Variants in MCUB observed in about 807,000 individuals in gnomAD.
The protein encoded by MCUB is calcium uniporter regulatory subunit MCUb, mitochondrial.
Under a neutral mutation model 41.4 loss-of-function variants are expected in MCUB, and 46 were observed. That is an observed-to-expected ratio of 1.11 (90% confidence interval 0.88 to 1.42). The LOEUF (loss-of-function observed/expected upper bound fraction) is 1.42, where lower values mean the gene tolerates loss of function less well. Among genes scored for constraint, MCUB ranks in the 40% most tolerant of loss-of-function variants. The pLI, the probability that MCUB is intolerant of heterozygous loss-of-function variation, is 0.00. For missense variants in MCUB, 403 were observed against 404.9 expected (o/e 1.00, Z 0.04); for synonymous variants, 148 against 148.2 (o/e 1.00, Z 0.01).
At chr4:109,672,085 T>C (rs540418387) in intron 4 of MCUB, among the ~76,000 whole-genome samples, 1 of 151,936 alleles carries the variant, frequency 6.6e-6, no homozygotes, top group South Asian at 2.1e-4. Context: ...TAAATATATA[T>C]ATATTTTTAA....
intron 1 of MCUB, among the ~76,000 whole-genome samples, chr4:109,561,558 G>C (rs1438810095): frequency 6.6e-6 from 1 of 152,142 alleles, no homozygotes; most frequent in Non-Finnish European, 1.5e-5. Flanking sequence ...CTAAATGTAA[G>C]AACAGGGGCA....
At chr4:109,674,169 G>A (rs1383211633) in intron 4 of MCUB, 13 of 923,034 alleles carry the variant, frequency 1.4e-5, no homozygotes, top group Middle Eastern at 3.2e-4. Flanking sequence ...TTAGTTAGAC[G>A]TCTCATTATT....
At chr4:109,567,213 C>T (rs1726801237) in intron 1 of MCUB, among the ~76,000 whole-genome samples, 1 of 150,646 alleles carries the variant, frequency 6.6e-6, no homozygotes, top group African/African-American at 2.4e-5. Context: ...ATAATGAATG[C>T]ACTGCCCAAA....
intron 1 of MCUB, among the ~76,000 whole-genome samples, chr4:109,562,843 A>T (rs561663837): frequency 2.6e-5 from 4 of 152,336 alleles, no homozygotes; most frequent in South Asian, 2.1e-4. Flanking sequence ...TTCATATTGT[A>T]TGTGAGCAAT....
intron 1 of MCUB, among the ~76,000 whole-genome samples, chr4:109,633,492 A>G (rs952024711): frequency 6.6e-6 from 1 of 151,952 alleles, no homozygotes; most frequent in Non-Finnish European, 1.5e-5. Flanking sequence ...GATGGTCTCG[A>G]TCTCCTGACC....
intron 1 of MCUB, among the ~76,000 whole-genome samples, chr4:109,609,115 A>G (rs796164644): frequency 9.9e-5 from 15 of 152,278 alleles, no homozygotes; most frequent in African/African-American, 3.4e-4. Context: ...GAGTGGGGTG[A>G]CACAGTTGTT....
intron 1 of MCUB, among the ~76,000 whole-genome samples, chr4:109,609,929 C>A (rs943056497): frequency 6.6e-6 from 1 of 152,114 alleles, no homozygotes; most frequent in Admixed American, 6.5e-5. Flanking sequence ...GAGATGAAAA[C>A]CTTAGAAATC....
At chr4:109,658,178 A>T (rs1561243948) in intron 1 of MCUB, among the ~76,000 whole-genome samples, 1 of 152,226 alleles carries the variant, frequency 6.6e-6, no homozygotes, top group African/African-American at 2.4e-5. Context: ...AGTGTCTACC[A>T]TATCGGACAG....
At chr4:109,651,737 TC>T (rs1465673183) in intron 1 of MCUB, among the ~76,000 whole-genome samples, 1 of 152,206 alleles carries the variant, frequency 6.6e-6, no homozygotes, top group Admixed American at 6.6e-5. Context: ...TAATTGTAGT[TC>T]CATTCTTGCA....
At chr4:109,659,242 A>G (rs1221309467) in intron 2 of MCUB, among the ~76,000 whole-genome samples, 156 bp downstream of exon 2, 1 of 148,386 alleles carries the variant, frequency 6.7e-6, no homozygotes, top group Admixed American at 6.9e-5. Flanking sequence ...TTGTGCTCCC[A>G]TAATATAGCT....
In MCUB at chr4:109,671,568, TC is replaced by T. The variant is rs200089823; in HGVS notation, c.451+7176del. Among the ~76,000 whole-genome samples the T allele has an allele frequency of 3.7e-3, 565 of 152,310 alleles. 16 individuals carry two copies. The South Asian group carries it at 0.059, about 16-fold the overall frequency. ...TACAGTGGTTTTTATTTCTAGCAATTCCTTTTGGTTCTTTCTAAGTTTCTAT... is the reference window on the plus strand; with the variant it reads ...TACAGTGGTTTTTATTTCTAGCAATTCTTTTGGTTCTTTCTAAGTTTCTAT... On this transcript the variant is annotated intron_variant, in intron 4 of 7. Coordinates refer to ENST00000394650, the MANE Select transcript of MCUB (RefSeq NM_017918.5).
intron 1 of MCUB, among the ~76,000 whole-genome samples, chr4:109,648,808 T>G (rs1728896166): frequency 1.3e-5 from 2 of 149,408 alleles, no homozygotes; most frequent in South Asian, 2.1e-4. Context: ...GATGTAGAAC[T>G]AATGAACCCA....
chr4:109,603,562 C>T (rs1039071162), intron 1 of MCUB, among the ~76,000 whole-genome samples: 2 of 150,918 alleles, frequency 1.3e-5, no homozygotes, highest in East Asian at 2.0e-4. Context: ...TGCCCATCGT[C>T]TGGGAGGTGA....
chr4:109,612,522 T>A (rs1211421897), intron 1 of MCUB, among the ~76,000 whole-genome samples: 1 of 151,986 alleles, frequency 6.6e-6, no homozygotes, highest in Non-Finnish European at 1.5e-5. Context: ...TGCCCCGGCC[T>A]CCCAAAGTGC....
chr4:109,619,795 TATAATA>T (rs1728214823), intron 1 of MCUB, among the ~76,000 whole-genome samples: 2 of 152,262 alleles, frequency 1.3e-5, no homozygotes, highest in South Asian at 4.2e-4. Flanking sequence ...CCTGAGAAGT[TATAATA>T]ATAATAGTTA....
chr4:109,619,019 T>TGC (rs1561229630), intron 1 of MCUB, among the ~76,000 whole-genome samples: 1 of 85,394 alleles, frequency 1.2e-5, no homozygotes, highest in Non-Finnish European at 2.6e-5. Flanking sequence ...TACCTACCTA[T>TGC]CTACCTGCCT....
intron 1 of MCUB, among the ~76,000 whole-genome samples, chr4:109,591,094 C>T: frequency 6.6e-6 from 1 of 152,180 alleles, no homozygotes; most frequent in East Asian, 1.9e-4. Flanking sequence ...TTCCCTGAAG[C>T]CTTCTGACAT....
chr4:109,594,809 T>C (rs1464643430), intron 1 of MCUB, among the ~76,000 whole-genome samples: 1 of 151,160 alleles, frequency 6.6e-6, no homozygotes, highest in African/African-American at 2.4e-5. Context: ...AGATGTATGG[T>C]CTTTATTAAG....
At chr4:109,590,846 A>G (rs1259067430) in intron 1 of MCUB, among the ~76,000 whole-genome samples, 5 of 152,236 alleles carry the variant, frequency 3.3e-5, no homozygotes, top group South Asian at 2.1e-4. Flanking sequence ...CATAAAGGCT[A>G]TTCACTGGTG....
Sources: allele counts gnomAD v4.1 joint callset (sites outside exome capture counted in the v4.1 genomes callset), GRCh38; gene constraint gnomAD v4.1.1; transcripts MANE v1.5; gene names NCBI Gene and HGNC (gene_info 2026-07-23, HGNC 2026-07-21).